The following AFF2 variants were observed in gnomAD, a reference collection of about 807,000 sequenced individuals.
AFF2 encodes the protein AF4/FMR2 family member 2.
A neutral mutation model predicts 76.9 loss-of-function variants in AFF2; 14 were observed. That is an observed-to-expected ratio of 0.18 (90% CI 0.12 to 0.28). The LOEUF is 0.28. Ranked by LOEUF, AFF2 falls within the 10% of genes least tolerant of loss-of-function variation. The probability of loss-of-function intolerance (pLI) is 1.00; values close to 1 mark genes in which losing one functional copy is unlikely to be tolerated. For missense variants in AFF2, 868 were observed against 1,001.1 expected (o/e 0.87, Z 1.79); for synonymous variants, 398 against 366.7 (o/e 1.09, Z -0.98).
At chrX:148,710,932 T>A (rs1256992599) in intron 3 of AFF2, among the ~76,000 whole-genome samples, 2 of 111,875 alleles carry the variant, frequency 1.8e-5, no homozygotes, top group Admixed American at 1.9e-4. Context: ...CTGGGCTCAT[T>A]TTAATACTCT....
intron 8 of AFF2, among the ~76,000 whole-genome samples, chrX:148,902,039 G>A (rs782458652): frequency 9.0e-6 from 1 of 111,694 alleles, no homozygotes; most frequent in African/African-American, 3.2e-5. Context: ...TAATTTGAAG[G>A]AAGTTATTTT....
chrX:148,886,010 T>C, intron 8 of AFF2, 25 bp downstream of exon 8: 1 of 1,130,783 alleles, frequency 8.8e-7, no homozygotes, highest in Non-Finnish European at 1.2e-6. Flanking sequence ...GGGCTTTGTT[T>C]TGGGATGAAG....
chrX:148,958,364 GAGA>G lies in AFF2; in HGVS notation c.2602_2604del (p.Lys868del), dbSNP rs1557287620. Reference sequence around the variant, plus strand: ...AATAGAAGTTGCAGAGAAGATCCCTGAGAAGAAGCAGCGCCTGGAGGAGGCCAC... The same window carrying G: ...AATAGAAGTTGCAGAGAAGATCCCTGAGAAGCAGCGCCTGGAGGAGGCCAC... On this transcript the variant is annotated inframe_deletion, in exon 12 of 21. Transcript: ENST00000370460. 4 of 1,209,635 alleles carry G rather than the reference GAGA, an allele frequency of 3.3e-6. No homozygotes were observed. Among genetic ancestry groups the G allele is most frequent in the Non-Finnish European group, 4.5e-6 (4 of 895,019 alleles).
chrX:148,635,733 G>A (rs1275472473), intron 1 of AFF2, among the ~76,000 whole-genome samples: 1 of 111,054 alleles, frequency 9.0e-6, no homozygotes. Context: ...AGATGTTTGG[G>A]CATTTCAGAA....
In AFF2 at chrX:148,997,287, A is replaced by ACACACACG; in HGVS notation, c.*5962_*5963insGCACACAC. The ACACACACG allele has an allele frequency of 9.3e-6, 1 of 107,234 alleles. No individual in the cohort carries two copies. The highest frequency in any genetic ancestry group is 2.8e-4 in the East Asian group (1 of 3,554). 8.8% of individuals were successfully genotyped at this position (107,234 alleles called of 1,213,427 possible). A position where few individuals can be genotyped will look rare whatever the true frequency, so the allele number is the denominator to read the frequency against. ...ATATAATGAGGCTTTCATTAAATAC[A>ACACACACG]CACACACACACACTCACACACACAC... On this transcript the variant is annotated 3_prime_UTR_variant, in exon 21 of 21. Coordinates refer to ENST00000370460, the MANE Select transcript of AFF2 (RefSeq NM_002025.4).
chrX:148,713,958 T>C (rs903625296), intron 3 of AFF2, among the ~76,000 whole-genome samples: 12 of 112,034 alleles, frequency 1.1e-4, no homozygotes, highest in Admixed American at 8.5e-4. Flanking sequence ...AATCTTTCAA[T>C]GACCAGATGC....
At chrX:148,593,962 C>T (rs1320631136) in intron 1 of AFF2, among the ~76,000 whole-genome samples, 3 of 111,378 alleles carry the variant, frequency 2.7e-5, no homozygotes, top group African/African-American at 6.5e-5. Context: ...AGAATGACCA[C>T]TACCAAAACA....
chrX:148,703,926 G>C (rs1268220735), intron 3 of AFF2, among the ~76,000 whole-genome samples: 1 of 109,143 alleles, frequency 9.2e-6, no homozygotes, highest in African/African-American at 3.3e-5. Flanking sequence ...ATCTTGCTCT[G>C]TTGCCCAGGC....
chrX:148,581,675 T>TATATAC (rs782600357), intron 1 of AFF2, among the ~76,000 whole-genome samples: 6 of 110,892 alleles, frequency 5.4e-5, no homozygotes, highest in Non-Finnish European at 1.1e-4. Flanking sequence ...TGTACACACA[T>TATATAC]ATATACGTAT....
At chrX:148,967,761 C>A in intron 15 of AFF2, 69 bp downstream of exon 15, 1 of 1,063,854 alleles carries the variant, frequency 9.4e-7, no homozygotes, top group Non-Finnish European at 1.3e-6. Flanking sequence ...ACAAAGAAAG[C>A]ACTTTTCCAA....
At chrX:148,733,798 G>A (rs1461541268) in intron 3 of AFF2, among the ~76,000 whole-genome samples, 2 of 111,780 alleles carry the variant, frequency 1.8e-5, no homozygotes, top group African/African-American at 6.5e-5. Flanking sequence ...ACAGGAAAAT[G>A]TCTTAATTTG....
intron 7 of AFF2, among the ~76,000 whole-genome samples, chrX:148,861,564 G>A (rs1557276410): frequency 9.0e-6 from 1 of 111,562 alleles, no homozygotes; most frequent in African/African-American, 3.3e-5. Context: ...CAAGAGGGGT[G>A]TAGAATATGA....
At chrX:148,983,637 G>A (rs781940745) in intron 19 of AFF2, among the ~76,000 whole-genome samples, 5 of 111,474 alleles carry the variant, frequency 4.5e-5, no homozygotes, top group Middle Eastern at 4.6e-3. Flanking sequence ...ACTCCAGATT[G>A]CCAGAAAAGA....
At position 148,809,896 on chromosome X, in the gene AFF2, A is replaced by G. The variant is rs145185488; in HGVS notation, c.1062A>G (p.Pro354=). The change falls in exon 4 of 21, where the codon CCA becomes CCG. Residue 354 remains proline (P), a synonymous_variant. Transcript: ENST00000370460. The stretch of plus-strand genomic sequence containing the variant: ...TTCAGGTAAGCCTTCCCAGTGATCC[A>G]AGCTGTGTTGAAGAAATCTTGCGGG... ...QTSEVSLPSD[P]SCVEEILREM... 1.1e-5 allele frequency: 13 copies of G among 1,209,785 alleles called. No homozygotes were observed. The African/African-American group carries it at 2.3e-4, about 21-fold the overall frequency.
In AFF2 at chrX:148,931,253, C is replaced by CAAA. The variant is rs782537927; in HGVS notation, c.1398-22303_1398-22301dup. 4.6e-3 allele frequency among the ~76,000 whole-genome samples: 199 copies of CAAA among 43,680 alleles called. 25 individuals are homozygous for CAAA. Among genetic ancestry groups the CAAA allele is most frequent in the South Asian group, 0.021 (6 of 286 alleles). 37.9% of individuals were successfully genotyped at this position (43,680 alleles called of 115,157 possible). On this transcript the variant is annotated intron_variant, in intron 9 of 20. Coordinates refer to ENST00000370460, the MANE Select transcript of AFF2 (RefSeq NM_002025.4). ...TGGGTGACAGAGCGAGACTCTGTCTCAAAAAAAAAAAAAAAAAAAAAAAAA... is the reference window on the plus strand; with the variant it reads ...TGGGTGACAGAGCGAGACTCTGTCTCAAAAAAAAAAAAAAAAAAAAAAAAAAAA...
At chrX:148,727,079 C>T (rs2055166540) in intron 3 of AFF2, among the ~76,000 whole-genome samples, 1 of 111,967 alleles carries the variant, frequency 8.9e-6, no homozygotes, top group African/African-American at 3.2e-5. Context: ...TAATAATGAC[C>T]TATAATCATT....
chrX:148,607,506 T>A (rs1172502284), intron 1 of AFF2, among the ~76,000 whole-genome samples: 2 of 111,625 alleles, frequency 1.8e-5, no homozygotes, highest in Non-Finnish European at 3.8e-5. Context: ...TCCTTCCCCT[T>A]TCACCATGAT....
chrX:148,956,266 G>A lies in AFF2; in HGVS notation c.2221G>A (p.Gly741Ser), dbSNP rs1557287316. The A allele has an allele frequency of 3.3e-6, 4 of 1,209,870 alleles. No individual in the cohort carries two copies. In the South Asian group the frequency reaches 5.3e-5, roughly 16 times the overall value. ...CCTGCCTCCGTGCATTATTTCTGGAGGTAATACTGCCAAATCCAAGGAAAT... is the reference window on the plus strand; with the variant it reads ...CCTGCCTCCGTGCATTATTTCTGGAAGTAATACTGCCAAATCCAAGGAAAT... Reference protein sequence around the residue: ...KVLPPCIISGGNTAKSKEICG... With the variant: ...KVLPPCIISGSNTAKSKEICG... Residue 741 changes from glycine to serine, a missense_variant, in exon 11 of 21, where the codon GGT (glycine) becomes AGT (serine). Coordinates refer to ENST00000370460, the MANE Select transcript of AFF2 (RefSeq NM_002025.4).
intron 1 of AFF2, among the ~76,000 whole-genome samples, chrX:148,564,942 T>G (rs1182237730): frequency 2.7e-5 from 3 of 112,408 alleles, no homozygotes. Context: ...ATTGTCTTCC[T>G]CTGCATCAGA....
Sources: allele counts gnomAD v4.1 joint callset (sites outside exome capture counted in the v4.1 genomes callset), GRCh38; gene constraint gnomAD v4.1.1; transcripts MANE v1.5; gene names NCBI Gene and HGNC (gene_info 2026-07-23, HGNC 2026-07-21).